The following HK1 variants were observed in gnomAD, a reference collection of about 807,000 sequenced individuals.
HK1 encodes hexokinase-1.
A neutral mutation model predicts 91.6 loss-of-function variants in HK1; 28 were observed. The ratio of observed to expected loss-of-function variants is 0.31; its 90% CI spans 0.23 to 0.42. The LOEUF (loss-of-function observed/expected upper bound fraction) is 0.42. Ranked by LOEUF, HK1 falls within the 10% of genes least tolerant of loss-of-function variation. HK1 has a pLI of 1.00. For synonymous variants in HK1, 430 were observed against 468.1 expected (o/e 0.92, Z 1.05); for missense variants, 770 against 1,219.8 (o/e 0.63, Z 5.49).
At chr10:69,327,815 G>C (rs1847470216) in intron 1 of HK1, among the ~76,000 whole-genome samples, 1 of 152,206 alleles carries the variant, frequency 6.6e-6, no homozygotes, top group African/African-American at 2.4e-5. Context: ...CAGTATTCGA[G>C]CTGTGTTTAA....
At chr10:69,339,566 G>T (rs1848192530) in intron 1 of HK1, among the ~76,000 whole-genome samples, 2 of 152,220 alleles carry the variant, frequency 1.3e-5, no homozygotes, top group Non-Finnish European at 1.5e-5. Context: ...GCCGTTCTCT[G>T]TGTCTGCAGC....
At chr10:69,304,275 A>ATTATTTATTTAT (rs141139312) in intron 5 of HK1, among the ~76,000 whole-genome samples, 82 of 143,438 alleles carry the variant, frequency 5.7e-4, no homozygotes, top group African/African-American at 9.8e-4. Flanking sequence ...TTTTATTTTT[A>ATTATTTATTTAT]TTATTTATTT....
chr10:69,304,784 G>A (rs1846031710), intron 5 of HK1, among the ~76,000 whole-genome samples: 1 of 152,198 alleles, frequency 6.6e-6, no homozygotes, highest in African/African-American at 2.4e-5. Flanking sequence ...CAGGAGTTGG[G>A]ATAAGCTGAG....
At chr10:69,275,639 C>G (rs930261854) in intron 1 of HK1, among the ~76,000 whole-genome samples, 4 of 152,064 alleles carry the variant, frequency 2.6e-5, no homozygotes, top group Admixed American at 6.6e-5. Context: ...TCTAATAAAA[C>G]TTTATTTACA....
At chr10:69,291,030 T>C (rs1845276401) in intron 3 of HK1, among the ~76,000 whole-genome samples, 1 of 152,254 alleles carries the variant, frequency 6.6e-6, no homozygotes, top group African/African-American at 2.4e-5. Context: ...TTGCCTGCTC[T>C]GGGAAAGAAG....
At position 69,369,053 on chromosome 10, in the gene HK1, G is replaced by A. The variant is rs1849857203; in HGVS notation, c.592-184G>A. ...AGCCAGGTAATTAAGGAAACTGTGAGGTTTTCATCATTTAATCACCATGCT... is the reference window on the plus strand; with the variant it reads ...AGCCAGGTAATTAAGGAAACTGTGAAGTTTTCATCATTTAATCACCATGCT... On this transcript the variant is annotated intron_variant, in intron 5 of 17. Coordinates refer to ENST00000359426, the MANE Select transcript of HK1 (RefSeq NM_000188.3). This position sits in a 1 kb window ranked among gnomAD's most constrained non-coding sequence, Gnocchi z 4.4. Among the ~76,000 whole-genome samples, 1 of 152,200 alleles carries A rather than the reference G, an allele frequency of 6.6e-6. No individual in the cohort carries two copies. The highest frequency in any genetic ancestry group is 2.1e-4 in the South Asian group (1 of 4,828).
chr10:69,345,380 G>T (rs72805701), intron 2 of HK1, among the ~76,000 whole-genome samples: 6,757 of 152,166 alleles, frequency 0.044, 258 homozygotes, highest in African/African-American at 0.1. Flanking sequence ...GGGTGTGTTC[G>T]CTTGTCTCTG....
Position 69,318,901 on chromosome 10 carries a change from G to C in HK1, c.-47G>C, listed in dbSNP as rs376464234. On this transcript the variant is annotated 5_prime_UTR_variant, in exon 1 of 18. Transcript: ENST00000359426. Reference sequence around the variant, plus strand: ...GACCACGGCTCGCCAGGGCTGCGGAGGACCGACCGTCCCCACGCCTGCCGC... The same window carrying C: ...GACCACGGCTCGCCAGGGCTGCGGACGACCGACCGTCCCCACGCCTGCCGC... The C allele has an allele frequency of 8.8e-4, 1,363 of 1,552,934 alleles. 24 individuals carry two copies. In the South Asian group the frequency reaches 0.015, roughly 17 times the overall value.
At position 69,382,781 on chromosome 10, in the gene HK1, C is replaced by G. The variant is rs200419488; in HGVS notation, c.1560C>G (p.Pro520=). ...KMLPSFVRRT[P]DGTENGDFLA... Reference sequence around the variant, plus strand: ...TGCCCTCCTTCGTCCGGAGAACTCCCGACGGGACCGGTGAGGGCCTGCTGG... The same window carrying G: ...TGCCCTCCTTCGTCCGGAGAACTCCGGACGGGACCGGTGAGGGCCTGCTGG... Residue 520 remains proline (P), a synonymous_variant, in exon 10 of 18, where the codon CCC becomes CCG. Coordinates refer to ENST00000359426, the MANE Select transcript of HK1 (RefSeq NM_000188.3). 4 of 1,611,096 alleles carry G rather than the reference C, an allele frequency of 2.5e-6. No homozygotes were observed. Among genetic ancestry groups the G allele is most frequent in the African/African-American group, 1.3e-5 (1 of 74,912 alleles).
chr10:69,399,069 T>G (rs968278140), intron 17 of HK1, among the ~76,000 whole-genome samples: 1 of 152,144 alleles, frequency 6.6e-6, no homozygotes, highest in Non-Finnish European at 1.5e-5. Context: ...AGTGGCATGA[T>G]GTGACCCTCA....
chr10:69,336,795 A>G (rs1411082419), intron 1 of HK1, among the ~76,000 whole-genome samples: 1 of 151,614 alleles, frequency 6.6e-6, no homozygotes, highest in Admixed American at 6.6e-5. Context: ...ATCTGCCACC[A>G]CACCCGGCTA....
rs371769247 is a variant in HK1 at position 69,384,544 on chromosome 10, G to C, written c.1719+63G>C. The C allele has an allele frequency of 3.1e-6, 5 of 1,604,608 alleles. No individual in the cohort carries two copies. The East Asian group carries it at 6.7e-5, about 21-fold the overall frequency. ...CACGGCCAGTGGCACCGGCAGTCAC[G>C]TGATGACCAAAATCCGCCACGGGGT... On this transcript the variant is annotated intron_variant, in intron 11 of 17. Coordinates refer to ENST00000359426, the MANE Select transcript of HK1 (RefSeq NM_000188.3).
intron 1 of HK1, among the ~76,000 whole-genome samples, chr10:69,333,040 G>A (rs1247881549): frequency 6.6e-6 from 1 of 152,194 alleles, no homozygotes; most frequent in African/African-American, 2.4e-5. Flanking sequence ...GAAATGCCAT[G>A]TTCTGAGGAC....
chr10:69,328,585 A>G (rs1012219686), intron 1 of HK1, among the ~76,000 whole-genome samples: 2 of 152,218 alleles, frequency 1.3e-5, no homozygotes, highest in Non-Finnish European at 2.9e-5. Flanking sequence ...CGATAGAGCC[A>G]GCATTCAGCC....
chr10:69,334,554 G>C (rs1402848603), intron 1 of HK1, among the ~76,000 whole-genome samples: 1 of 152,126 alleles, frequency 6.6e-6, no homozygotes, highest in East Asian at 1.9e-4. Context: ...TGGGCCATTC[G>C]GGGAAGTCTC....
chr10:69,362,277 C>T (rs1849463815), intron 3 of HK1, among the ~76,000 whole-genome samples: 1 of 151,456 alleles, frequency 6.6e-6, no homozygotes, highest in African/African-American at 2.4e-5. Context: ...GGGATCTTGC[C>T]AGGTTGCCCA....
At chr10:69,298,760 C>T (rs1478502133) in intron 4 of HK1, among the ~76,000 whole-genome samples, 1 of 151,842 alleles carries the variant, frequency 6.6e-6, no homozygotes, top group African/African-American at 2.4e-5. Flanking sequence ...AGATAAAGAT[C>T]TTATTAGATA....
At chr10:69,290,085 AC>A (rs1845228615) in intron 3 of HK1, among the ~76,000 whole-genome samples, 1 of 151,864 alleles carries the variant, frequency 6.6e-6, no homozygotes, top group Admixed American at 6.6e-5. Flanking sequence ...CAGCTGTTCC[AC>A]CCCGCCCCCC....
chr10:69,311,219 A>G (rs1259942343), upstream of HK1, among the ~76,000 whole-genome samples: 2 of 152,150 alleles, frequency 1.3e-5, no homozygotes, highest in East Asian at 1.9e-4. Context: ...GTCGGATGGG[A>G]CTGAATTCCA....
Sources: allele counts gnomAD v4.1 joint callset (sites outside exome capture counted in the v4.1 genomes callset), GRCh38; gene constraint gnomAD v4.1.1; non-coding constraint Gnocchi (gnomAD v3.1); transcripts MANE v1.5; gene names NCBI Gene and HGNC (gene_info 2026-07-23, HGNC 2026-07-21).